The following PTPN3 variants were observed in gnomAD, a reference collection of about 807,000 sequenced individuals.
PTPN3 encodes protein tyrosine phosphatase non-receptor type 3, also known as tyrosine-protein phosphatase non-receptor type 3.
A neutral mutation model predicts 132.7 loss-of-function variants in PTPN3; 96 were observed. The observed-to-expected ratio is 0.72, with a 90% confidence interval of 0.61 to 0.86. The LOEUF is 0.86. Ranked by LOEUF, PTPN3 falls within the 40% of genes least tolerant of loss-of-function variation. The pLI is 0.00. For missense variants in PTPN3, 1,125 were observed against 1,159.6 expected (o/e 0.97, Z 0.43); for synonymous variants, 398 against 429.0 (o/e 0.93, Z 0.89).
the PTPN3 span, among the ~76,000 whole-genome samples, chr9:109,523,116 C>CTT: frequency 9.3e-5 from 13 of 140,206 alleles, no homozygotes; most frequent in Non-Finnish European, 1.4e-4. Flanking sequence ...AAATTTATAT[C>CTT]TTTTTTTTTT....
chr9:109,524,874 A>G, the PTPN3 span, among the ~76,000 whole-genome samples: 1 of 152,116 alleles, frequency 6.6e-6, no homozygotes, highest in Non-Finnish European at 1.5e-5. Context: ...AGTAGCTGGA[A>G]CTACAGGCAT....
At chr9:109,414,017 A>G (rs564854285) in intron 14 of PTPN3, among the ~76,000 whole-genome samples, 81 of 152,300 alleles carry the variant, frequency 5.3e-4, no homozygotes, top group African/African-American at 1.9e-3. Flanking sequence ...CAAGGTCAGG[A>G]GACCCTAGTG....
the PTPN3 span, among the ~76,000 whole-genome samples, chr9:109,528,552 T>G: frequency 6.6e-6 from 1 of 152,146 alleles, no homozygotes; most frequent in Non-Finnish European, 1.5e-5. Context: ...AAAGGCAAAA[T>G]AGTGTTTATC....
rs1288106118 is a variant in PTPN3 at position 109,409,947 on chromosome 9, A to G, written c.1578+52T>C. ...CATTTGTAATGCAAATTAAAAACTC[A>G]TTGAAAGATTGCTTCCCAGCACAAA... is the stretch of plus-strand genomic sequence containing the variant. On this transcript the variant is annotated intron_variant, in intron 16 of 25. Coordinates refer to ENST00000374541, the MANE Select transcript of PTPN3 (RefSeq NM_002829.4). The G allele has an allele frequency of 1.9e-6, 3 of 1,594,586 alleles. No homozygotes were observed. The East Asian group carries it at 6.8e-5, about 36-fold the overall frequency.
At chr9:109,455,675 C>G (rs1287100336) in intron 4 of PTPN3, among the ~76,000 whole-genome samples, 1 of 152,204 alleles carries the variant, frequency 6.6e-6, no homozygotes, top group Non-Finnish European at 1.5e-5. Flanking sequence ...CTCCCCTCCC[C>G]CTCTTCTAAA....
At chr9:109,445,907 G>A (rs553664450) in intron 6 of PTPN3, among the ~76,000 whole-genome samples, 5 of 152,096 alleles carry the variant, frequency 3.3e-5, no homozygotes, top group African/African-American at 9.7e-5. Context: ...CTCAGTCTTC[G>A]TGCCATTCAC....
intron 19 of PTPN3, among the ~76,000 whole-genome samples, chr9:109,392,122 T>C (rs1159000046): frequency 1.3e-5 from 2 of 152,228 alleles, no homozygotes; most frequent in Non-Finnish European, 2.9e-5. Flanking sequence ...AATCTTTGCA[T>C]ATCTAAAGTC....
chr9:109,532,437 A>G, the PTPN3 span, among the ~76,000 whole-genome samples: 4 of 152,182 alleles, frequency 2.6e-5, no homozygotes, highest in African/African-American at 9.7e-5. Flanking sequence ...CCTTATTAAC[A>G]GGTGCTTGCA....
chr9:109,487,988 T>C (rs779854798), intron 1 of PTPN3, among the ~76,000 whole-genome samples: 21 of 152,046 alleles, frequency 1.4e-4, no homozygotes, highest in Non-Finnish European at 2.8e-4. Flanking sequence ...TTTTCTGAGG[T>C]CACTTTCAGT....
intron 1 of PTPN3, among the ~76,000 whole-genome samples, chr9:109,477,366 G>A (rs1302705163): frequency 6.6e-6 from 1 of 152,196 alleles, no homozygotes; most frequent in Non-Finnish European, 1.5e-5. Flanking sequence ...TTAGAAACTT[G>A]AGTAATGATC....
At chr9:109,382,481 C>G (rs774587504) in intron 23 of PTPN3, 34 bp from the exon 24 acceptor site, 71 of 1,611,784 alleles carry the variant, frequency 4.4e-5, no homozygotes, top group Non-Finnish European at 5.5e-5. Flanking sequence ...GTGAGCCCAT[C>G]CAGGTGGTGA....
chr9:109,508,951 T>G, the PTPN3 span, among the ~76,000 whole-genome samples: 1 of 152,148 alleles, frequency 6.6e-6, no homozygotes, highest in African/African-American at 2.4e-5. Flanking sequence ...CCCAGTGCTT[T>G]GGGAGGTCGA....
At chr9:109,462,978 G>T (rs1445728022) in intron 2 of PTPN3, among the ~76,000 whole-genome samples, 6 of 150,910 alleles carry the variant, frequency 4.0e-5, no homozygotes, top group African/African-American at 1.5e-4. Context: ...GCCTCCAGAT[G>T]TTGGTGCTTC....
At chr9:109,423,690 C>G (rs1387045133) in intron 12 of PTPN3, among the ~76,000 whole-genome samples, 2 of 152,086 alleles carry the variant, frequency 1.3e-5, no homozygotes, top group Non-Finnish European at 2.9e-5. Context: ...TTATTTATAC[C>G]TAGAGAATTT....
intron 10 of PTPN3, among the ~76,000 whole-genome samples, chr9:109,430,537 T>C (rs1843583065): frequency 7.0e-6 from 1 of 143,082 alleles, no homozygotes; most frequent in Admixed American, 6.9e-5. Context: ...CTTCACTCAT[T>C]TATAAGAAAA....
At chr9:109,469,210 T>C (rs577183516) in intron 1 of PTPN3, among the ~76,000 whole-genome samples, 1 of 152,184 alleles carries the variant, frequency 6.6e-6, no homozygotes, top group Non-Finnish European at 1.5e-5. Flanking sequence ...TTCCAAAGGG[T>C]CTGTCTACAT....
intron 14 of PTPN3, among the ~76,000 whole-genome samples, chr9:109,418,883 G>C (rs1036168095): frequency 2.0e-5 from 3 of 152,236 alleles, no homozygotes; most frequent in African/African-American, 7.2e-5. Flanking sequence ...TGACGCAGCA[G>C]GTGTGAGTGG....
At chr9:109,402,670 ATATC>A (rs1313722569) in intron 19 of PTPN3, among the ~76,000 whole-genome samples, 1 of 152,224 alleles carries the variant, frequency 6.6e-6, no homozygotes, top group Non-Finnish European at 1.5e-5. Context: ...ACTCAGTAAT[ATATC>A]TATTAGTTCT....
intron 19 of PTPN3, among the ~76,000 whole-genome samples, chr9:109,402,896 C>T (rs561863855): frequency 2.0e-5 from 3 of 152,158 alleles, no homozygotes; most frequent in South Asian, 4.2e-4. Flanking sequence ...CATGGCAAAA[C>T]TGCATCTCTA....
Sources: allele counts gnomAD v4.1 joint callset (sites outside exome capture counted in the v4.1 genomes callset), GRCh38; gene constraint gnomAD v4.1.1; transcripts MANE v1.5; gene names NCBI Gene and HGNC (gene_info 2026-07-23, HGNC 2026-07-21).